NALF1: variants seen among roughly 807,000 people sequenced by gnomAD.
The protein encoded by NALF1 is family with sequence similarity 155 member A.
A neutral mutation model predicts 48.4 loss-of-function variants in NALF1; 3 were observed. The observed-to-expected ratio is 0.06, with a 90% confidence interval of 0.03 to 0.16. The LOEUF is 0.16. Ranked by LOEUF, NALF1 falls within the 10% of genes least tolerant of loss-of-function variation. The pLI is 1.00. For missense variants in NALF1, 526 were observed against 571.5 expected (o/e 0.92, Z 0.81); for synonymous variants, 262 against 245.7 (o/e 1.07, Z -0.62).
rs1594068880 is a variant in NALF1, at chr13:107,204,602, A to G, written c.1087+5982T>C. The stretch of plus-strand genomic sequence containing the variant: ...TTAAGTAGGAATGATCTGAACTCAA[A>G]CCTAAAGATATTAACTGAAATAAAC... On this transcript the variant is annotated intron_variant, in intron 2 of 2. Coordinates refer to ENST00000375915, the MANE Select transcript of NALF1 (RefSeq NM_001080396.3). Among the ~76,000 whole-genome samples the G allele has an allele frequency of 2.0e-5, 3 of 152,182 alleles. No homozygotes were observed. The East Asian group carries it at 5.8e-4, about 29-fold the overall frequency.
At chr13:107,282,109 C>A (rs556199847) in intron 1 of NALF1, among the ~76,000 whole-genome samples, 5 of 152,064 alleles carry the variant, frequency 3.3e-5, no homozygotes, top group African/African-American at 1.2e-4. Context: ...GAGGAAGCAG[C>A]GAAGGACATA....
intron 1 of NALF1, among the ~76,000 whole-genome samples, chr13:107,831,856 G>A (rs1332437131): frequency 6.6e-6 from 1 of 151,980 alleles, no homozygotes; most frequent in Non-Finnish European, 1.5e-5. Flanking sequence ...GTTTAGCTTC[G>A]GTTTAAATTC....
chr13:107,568,201 T>C (rs1320052999), intron 1 of NALF1, among the ~76,000 whole-genome samples: 2 of 152,162 alleles, frequency 1.3e-5, no homozygotes, highest in Non-Finnish European at 2.9e-5. Flanking sequence ...GGCTGGTCTC[T>C]AGCTCCTGGG....
At chr13:107,653,590 T>C (rs939237594) in intron 1 of NALF1, among the ~76,000 whole-genome samples, 5 of 152,012 alleles carry the variant, frequency 3.3e-5, no homozygotes, top group African/African-American at 9.7e-5. Context: ...CCTCTTCATA[T>C]AGATAGGCCA....
intron 1 of NALF1, among the ~76,000 whole-genome samples, chr13:107,340,632 T>G (rs1419319696): frequency 6.6e-6 from 1 of 150,644 alleles, no homozygotes; most frequent in East Asian, 2.0e-4. Flanking sequence ...ACAAATAGAG[T>G]CATGTTTGAG....
chr13:107,848,437 C>T (rs994851832), intron 1 of NALF1, among the ~76,000 whole-genome samples: 25 of 152,142 alleles, frequency 1.6e-4, no homozygotes, highest in African/African-American at 5.8e-4. Flanking sequence ...AATTTGAAAA[C>T]AGCAACCAAA....
At chr13:107,720,622 C>T (rs989748562) in intron 1 of NALF1, among the ~76,000 whole-genome samples, 1 of 151,226 alleles carries the variant, frequency 6.6e-6, no homozygotes, top group African/African-American at 2.4e-5. Context: ...CATTTGAACA[C>T]CTAAACTATT....
At chr13:107,825,825 G>C (rs1332039733) in intron 1 of NALF1, among the ~76,000 whole-genome samples, 1 of 152,152 alleles carries the variant, frequency 6.6e-6, no homozygotes, top group African/African-American at 2.4e-5. Flanking sequence ...CTGTCACCCA[G>C]GCTGGAGTGC....
intron 1 of NALF1, among the ~76,000 whole-genome samples, chr13:107,616,953 TC>T (rs1879397133): frequency 6.6e-6 from 1 of 152,150 alleles, no homozygotes; most frequent in East Asian, 1.9e-4. Flanking sequence ...AGCAAATTTT[TC>T]CATATATAAT....
intron 1 of NALF1, among the ~76,000 whole-genome samples, chr13:107,729,579 C>T (rs1280873416): frequency 1.3e-5 from 2 of 152,096 alleles, no homozygotes; most frequent in South Asian, 2.1e-4. Context: ...CAGGTTCAAG[C>T]GATTCTCCTG....
At chr13:107,806,712 T>G (rs760930134) in intron 1 of NALF1, among the ~76,000 whole-genome samples, 12 of 152,194 alleles carry the variant, frequency 7.9e-5, no homozygotes, top group Non-Finnish European at 1.6e-4. Context: ...CCAATGAAAC[T>G]GAAATCTTTG....
intron 1 of NALF1, among the ~76,000 whole-genome samples, chr13:107,677,901 A>G (rs150160724): frequency 3.9e-5 from 6 of 152,358 alleles, no homozygotes; most frequent in Non-Finnish European, 8.8e-5. Context: ...TGAATTTTCT[A>G]GAATATACAT....
At position 107,470,174 on chromosome 13, in the gene NALF1, A is replaced by G. The variant is rs1418530040; in HGVS notation, c.916-259419T>C. 2.0e-5 allele frequency among the ~76,000 whole-genome samples: 3 copies of G among 152,316 alleles called. No individual in the cohort carries two copies. In the South Asian group the frequency reaches 6.2e-4, roughly 32 times the overall value. On this transcript the variant is annotated intron_variant, in intron 1 of 2. Coordinates refer to ENST00000375915, the MANE Select transcript of NALF1 (RefSeq NM_001080396.3). ...CTAGAATAATAAAATCTTGTCTGGA[A>G]AGGTCTAATGGTCCCTAACTTTACT...
intron 1 of NALF1, among the ~76,000 whole-genome samples, chr13:107,760,321 A>G (rs551128684): frequency 9.2e-5 from 14 of 152,242 alleles, no homozygotes; most frequent in African/African-American, 3.1e-4. Context: ...TTAAAAATCA[A>G]CATGATGCTT....
At chr13:107,269,480 G>A (rs553810911) in intron 1 of NALF1, among the ~76,000 whole-genome samples, 1 of 152,286 alleles carries the variant, frequency 6.6e-6, no homozygotes, top group African/African-American at 2.4e-5. Flanking sequence ...CTTTGGAGAT[G>A]AATATGTTTA....
intron 1 of NALF1, among the ~76,000 whole-genome samples, chr13:107,664,158 T>C (rs1256993942): frequency 6.6e-6 from 1 of 152,222 alleles, no homozygotes; most frequent in Non-Finnish European, 1.5e-5. Context: ...GTCGTCTTCA[T>C]TTCAATTAGT....
At chr13:107,839,651 G>A (rs1879992615) in intron 1 of NALF1, among the ~76,000 whole-genome samples, 2 of 150,498 alleles carry the variant, frequency 1.3e-5, no homozygotes, top group South Asian at 4.2e-4. Flanking sequence ...CCAATCCTGG[G>A]TTTAGAGTGG....
rs1266091431 is a variant in NALF1 at position 107,170,282 on chromosome 13, G to A, written c.*215C>T. The stretch of plus-strand genomic sequence containing the variant: ...ACATTAAAACACAGTGTATAAAATG[G>A]TGTGAGAAATTTAAAGTCACTTTCC... On this transcript the variant is annotated 3_prime_UTR_variant, in exon 3 of 3. Transcript: ENST00000375915. 2 of 513,954 alleles carry A rather than the reference G, an allele frequency of 3.9e-6. No individual in the cohort carries two copies. Among genetic ancestry groups the A allele is most frequent in the Non-Finnish European group, 6.9e-6 (2 of 289,932 alleles). The allele number at this position is 513,954 out of a possible 1,614,324, so 31.8% of individuals were successfully genotyped here. A position where few individuals can be genotyped will look rare whatever the true frequency, so the allele number is the denominator to read the frequency against.
intron 1 of NALF1, among the ~76,000 whole-genome samples, chr13:107,716,615 T>C (rs1418692656): frequency 1.3e-5 from 2 of 152,192 alleles, no homozygotes; most frequent in South Asian, 2.1e-4. Flanking sequence ...AAATACTTCC[T>C]TCCCCAAAGT....
Sources: gnomAD v4.1 joint callset for allele counts (sites outside exome capture counted in the v4.1 genomes callset) on GRCh38, gnomAD v4.1.1 for gene constraint, MANE v1.5 for transcripts, NCBI Gene and HGNC (gene_info 2026-07-23, HGNC 2026-07-21) for gene names.